KLHL31: variants seen among roughly 807,000 people sequenced by gnomAD.
KLHL31 encodes the protein kelch-like protein 31.
Under a neutral mutation model 47.1 loss-of-function variants are expected in KLHL31, and 32 were observed. The observed-to-expected ratio is 0.68, with a 90% confidence interval of 0.51 to 0.91. The LOEUF (loss-of-function observed/expected upper bound fraction) is 0.91, where lower values mean the gene tolerates loss of function less well. KLHL31 is among the 40% of genes least tolerant of loss of function. The probability of loss-of-function intolerance (pLI) is 0.00; values close to 1 mark genes in which losing one functional copy is unlikely to be tolerated. For missense variants in KLHL31, 797 were observed against 819.3 expected (o/e 0.97, Z 0.33); for synonymous variants, 330 against 325.1 (o/e 1.01, Z -0.16).
rs1764464882 is a variant in KLHL31 at position 53,651,553 on chromosome 6, C to A, written c.*45G>T. 1 of 1,571,098 alleles carries A rather than the reference C, an allele frequency of 6.4e-7. No homozygotes were observed. Among genetic ancestry groups the A allele is most frequent in the Non-Finnish European group, 8.6e-7 (1 of 1,156,580 alleles). The stretch of plus-strand genomic sequence containing the variant: ...CTCAGAGGTTAACCACGTGGCTCTA[C>A]GAATAAATAACGTGTTCTTCCTGCG... On this transcript the variant is annotated 3_prime_UTR_variant, in exon 3 of 3. Transcript: ENST00000370905.
chr6:53,657,895 T>C (rs1249477023), intron 1 of KLHL31, among the ~76,000 whole-genome samples: 1 of 146,236 alleles, frequency 6.8e-6, no homozygotes, highest in Non-Finnish European at 1.5e-5. Flanking sequence ...TATTCACATT[T>C]ATATTTTTTA....
At chr6:53,652,613 A>G (rs1201352145) in intron 2 of KLHL31, among the ~76,000 whole-genome samples, 1 of 152,208 alleles carries the variant, frequency 6.6e-6, no homozygotes. Flanking sequence ...GAGCCCACAG[A>G]GACTGAGCTT....
intron 1 of KLHL31, among the ~76,000 whole-genome samples, chr6:53,661,857 A>G (rs1764650572): frequency 6.6e-6 from 1 of 152,248 alleles, no homozygotes; most frequent in Admixed American, 6.5e-5. Context: ...GTGTGTTCAT[A>G]TATAGAGTAT....
chr6:53,662,671 G>GCCCATTA (rs1764664286), intron 1 of KLHL31, among the ~76,000 whole-genome samples: 1 of 152,116 alleles, frequency 6.6e-6, no homozygotes, highest in Admixed American at 6.5e-5. Flanking sequence ...TGGGCAGAAG[G>GCCCATTA]GTAACAGAGA....
In KLHL31 at chr6:53,650,169, T is replaced by C. The variant is rs544901461; in HGVS notation, c.*1429A>G. On this transcript the variant is annotated 3_prime_UTR_variant, in exon 3 of 3. Coordinates refer to ENST00000370905, the MANE Select transcript of KLHL31 (RefSeq NM_001003760.5). ...TTCAATTCCTAAATAGCTTGTTTTA[T>C]TTTTCAAAATCCAATTGCACATAAC... The C allele has an allele frequency of 6.6e-6, 1 of 152,340 alleles. No individual in the cohort carries two copies. The highest frequency in any genetic ancestry group is 1.9e-4 in the East Asian group (1 of 5,192). The allele number at this position is 152,340 out of a possible 1,614,324, so 9.4% of individuals were successfully genotyped here. A position where few individuals can be genotyped will look rare whatever the true frequency, so the allele number is the denominator to read the frequency against.
At chr6:53,656,953 G>A (rs1458524227) in intron 1 of KLHL31, among the ~76,000 whole-genome samples, 46 of 4,450 alleles carry the variant, frequency 0.01, no homozygotes, top group African/African-American at 0.031. Flanking sequence ...TTTTTTTTGA[G>A]ATCGGGTCTC....
At position 53,655,323 on chromosome 6, in the gene KLHL31, A is replaced by AC. The variant is rs766360497; in HGVS notation, c.-33-19_-33-18insG. The AC allele has an allele frequency of 7.8e-7, 1 of 1,288,112 alleles. No homozygotes were observed. The highest frequency in any genetic ancestry group is 2.4e-5 in the East Asian group (1 of 41,948). 79.8% of individuals were successfully genotyped at this position (1,288,112 alleles called of 1,614,324 possible). ...AGAGCTTGCTAAAAAGAGAAAAAAA[A>AC]AAACATGGTTTTGTTTTAATTGTGC... On this transcript the variant is annotated intron_variant, in intron 1 of 2. Coordinates refer to ENST00000370905, the MANE Select transcript of KLHL31 (RefSeq NM_001003760.5).
intron 1 of KLHL31, among the ~76,000 whole-genome samples, chr6:53,658,705 G>T (rs77056875): frequency 1.5e-3 from 234 of 152,198 alleles, no homozygotes; most frequent in Non-Finnish European, 2.8e-3. Flanking sequence ...GATCCGAATA[G>T]AATTAAATTA....
intron 1 of KLHL31, among the ~76,000 whole-genome samples, chr6:53,664,332 G>A (rs59103266): frequency 1.4e-4 from 21 of 152,264 alleles, no homozygotes; most frequent in Admixed American, 1.3e-3. Flanking sequence ...TGGCATTCCT[G>A]ATCAGGGCTG....
At position 53,655,214 on chromosome 6, in the gene KLHL31, A is replaced by T. The variant is rs1764541850; in HGVS notation, c.59T>A (p.Ile20Lys). ...KNKGDINEMTIIVEDSPLNKL... is the reference protein window; with the variant it reads ...KNKGDINEMTKIVEDSPLNKL... ...GTTTAGGGGGCTATCTTCTACGATT[A>T]TAGTCATCTCATTGATATCTCCTTT... is the stretch of plus-strand genomic sequence containing the variant. The change falls in exon 2 of 3, where the codon ATA (isoleucine) becomes AAA (lysine). Residue 20 changes from isoleucine to lysine, a missense_variant. Ile to Lys is a moderately radical substitution (Grantham distance 102, BLOSUM62 -3). Transcript: ENST00000370905. 1 of 1,606,868 alleles carries T rather than the reference A, an allele frequency of 6.2e-7. No homozygotes were observed.
chr6:53,661,792 G>A (rs1764649763), intron 1 of KLHL31, among the ~76,000 whole-genome samples: 2 of 152,218 alleles, frequency 1.3e-5, no homozygotes, highest in Non-Finnish European at 2.9e-5. Flanking sequence ...GATAGTCACA[G>A]TGACAGTCAA....
chr6:53,651,960 C>T lies in KLHL31; in HGVS notation c.1543G>A (p.Val515Met). 1 of 1,593,546 alleles carries T rather than the reference C, an allele frequency of 6.3e-7. No homozygotes were observed. The highest frequency in any genetic ancestry group is 8.5e-7 in the Non-Finnish European group (1 of 1,176,384). The change falls in exon 3 of 3, where the codon GTG becomes ATG. Residue 515 changes from valine (V) to methionine (M), a missense_variant. Physicochemically the swap from Val to Met is conservative, Grantham distance 21. Transcript: ENST00000370905. ...WHCAVTLSDRVYVMGGSQLGP... is the reference protein window; with the variant it reads ...WHCAVTLSDRMYVMGGSQLGP... ...AGCTGGCTGCCGCCCATCACGTACA[C>T]TCTGTCGCTCAGCGTGACCGCGCAG...
At chr6:53,663,311 G>T (rs935076748) in intron 1 of KLHL31, among the ~76,000 whole-genome samples, 1 of 152,178 alleles carries the variant, frequency 6.6e-6, no homozygotes, top group Non-Finnish European at 1.5e-5. Flanking sequence ...ACATGAAATG[G>T]TTCGTTCTGG....
intron 1 of KLHL31, among the ~76,000 whole-genome samples, chr6:53,662,942 GAT>G (rs1207452787): frequency 6.6e-6 from 1 of 152,090 alleles, no homozygotes; most frequent in African/African-American, 2.4e-5. Context: ...AGCATTTATT[GAT>G]CGAGGGTGTA....
Position 53,651,646 on chromosome 6 carries a change from A to G in KLHL31, c.1857T>C (p.Thr619=), listed in dbSNP as rs1419473293. Reference sequence around the variant, plus strand: ...ATACCGAACTGGCCCGGGATTCCCGAGTCACGTTGTTGGGCATCGAGAGGG... The same window carrying G: ...ATACCGAACTGGCCCGGGATTCCCGGGTCACGTTGTTGGGCATCGAGAGGG... ...CCTLSMPNNV[T]RESRASSVSS... Residue 619 remains threonine, a synonymous_variant, in exon 3 of 3, where the codon ACT becomes ACC. Coordinates refer to ENST00000370905, the MANE Select transcript of KLHL31 (RefSeq NM_001003760.5). The G allele has an allele frequency of 6.2e-7, 1 of 1,613,984 alleles. No individual in the cohort carries two copies.
rs1213273288 is a variant in KLHL31 at position 53,651,433 on chromosome 6, C to T, written c.*165G>A. ...AAAAAAAAAAAAGAGGTAGATTATG[C>T]CATACCAGGAATTTAAAGCCATCAG... On this transcript the variant is annotated 3_prime_UTR_variant, in exon 3 of 3. Coordinates refer to ENST00000370905, the MANE Select transcript of KLHL31 (RefSeq NM_001003760.5). The T allele has an allele frequency of 1.2e-5, 2 of 171,214 alleles. No individual in the cohort carries two copies. Among genetic ancestry groups the T allele is most frequent in the Non-Finnish European group, 2.3e-5 (2 of 88,722 alleles). The allele number at this position is 171,214 out of a possible 1,614,324, so 10.6% of individuals were successfully genotyped here.
At position 53,651,399 on chromosome 6, in the gene KLHL31, TAAAAA is replaced by T. The variant is rs759076475; in HGVS notation, c.*194_*198del. The T allele has an allele frequency of 2.7e-4, 18 of 66,138 alleles. No individual in the cohort carries two copies. The highest frequency in any genetic ancestry group is 1.6e-3 in the East Asian group (3 of 1,838). The allele number at this position is 66,138 out of a possible 1,614,324, so 4.1% of individuals were successfully genotyped here. On this transcript the variant is annotated 3_prime_UTR_variant, in exon 3 of 3. Transcript: ENST00000370905. The stretch of plus-strand genomic sequence containing the variant: ...TGTTGGCCATTGCCCTGTATTTTGC[TAAAAA>T]AAAAAAAAAAAAAAAGAGGTAGATT...
intron 1 of KLHL31, among the ~76,000 whole-genome samples, chr6:53,658,323 G>A (rs1764600587): frequency 6.6e-6 from 1 of 151,858 alleles, no homozygotes; most frequent in South Asian, 2.1e-4. Flanking sequence ...AATGCTTATT[G>A]TTTTAGAGGA....
Position 53,651,723 on chromosome 6 carries a change from A to C in KLHL31, c.1780T>G (p.Trp594Gly). ...IQCFSPELNE[W>G]TEDDELPEAT... ...TCGGGTAGCTCGTCGTCCTCCGTCC[A>C]CTCGTTGAGCTCGGGGCTGAAGCAC... is the stretch of plus-strand genomic sequence containing the variant. The change falls in exon 3 of 3, where the codon TGG (tryptophan) becomes GGG (glycine). Residue 594 changes from tryptophan (W) to glycine (G), a missense_variant. Coordinates refer to ENST00000370905, the MANE Select transcript of KLHL31 (RefSeq NM_001003760.5). The C allele has an allele frequency of 6.2e-7, 1 of 1,613,978 alleles. No homozygotes were observed.
Sources: gnomAD v4.1 joint callset for allele counts (sites outside exome capture counted in the v4.1 genomes callset) on GRCh38, gnomAD v4.1.1 for gene constraint, MANE v1.5 for transcripts, NCBI Gene and HGNC (gene_info 2026-07-23, HGNC 2026-07-21) for gene names.